Variants in HSBP1L1 observed in about 807,000 individuals in gnomAD.
HSBP1L1 encodes the protein heat shock factor binding protein 1 like 1.
HSBP1L1 carries 8 observed loss-of-function variants against 9.7 expected under a neutral mutation model. The observed-to-expected ratio is 0.82, with a 90% confidence interval of 0.48 to 1.48. The LOEUF is 1.48. Ranked by LOEUF, HSBP1L1 falls within the 40% of genes most tolerant of loss-of-function variation. The pLI is 0.00. For synonymous variants in HSBP1L1, 39 were observed against 34.4 expected, an observed-to-expected ratio of 1.13 and a Z score of -0.46; for missense variants, 106 against 95.8, an observed-to-expected ratio of 1.11 and a Z score of -0.44.
chr18:79,966,485 G>C (rs1009006401), intron 1 of HSBP1L1, 127 bp from the exon 2 acceptor site: 1 of 634,580 alleles, frequency 1.6e-6, no homozygotes, highest in Admixed American at 2.8e-5. Context: ...GGAGGTTGTA[G>C]TGAGCTGAGA....
intron 3 of HSBP1L1, among the ~76,000 whole-genome samples, chr18:79,969,333 A>G (rs866167277): frequency 0.15 from 2,347 of 16,172 alleles, 72 homozygotes; most frequent in Non-Finnish European, 0.19. Context: ...AAGAAAGAAA[A>G]AGAAAGAAAG....
chr18:79,966,529 C>G (rs2051257958), intron 1 of HSBP1L1, 83 bp from the exon 2 acceptor site: 1 of 997,704 alleles, frequency 1.0e-6, no homozygotes, highest in African/African-American at 1.7e-5. Flanking sequence ...GGCAACAAAA[C>G]AAGACTTCAT....
intron 3 of HSBP1L1, among the ~76,000 whole-genome samples, chr18:79,968,831 G>A (rs112078216): frequency 1.3e-5 from 2 of 151,920 alleles, no homozygotes; most frequent in African/African-American, 4.8e-5. Context: ...ATGTAAACAT[G>A]CCACAAAAGA....
rs2051267061 is a variant in HSBP1L1 at position 79,968,160 on chromosome 18, G to A, written c.190G>A (p.Glu64Lys). Reference protein sequence around the residue: ...VKDLMVQAGIENSIKEQMLKT With the variant: ...VKDLMVQAGIKNSIKEQMLKT ...GGACTTAATGGTGCAAGCTGGCATTGAAAATTCTATTAAAGAACAAATGGT... is the reference window on the plus strand; with the variant it reads ...GGACTTAATGGTGCAAGCTGGCATTAAAAATTCTATTAAAGAACAAATGGT... Residue 64 changes from glutamate (E) to lysine (K), a missense_variant, in exon 3 of 4, where the codon GAA becomes AAA. Glu to Lys is a moderately conservative substitution (Grantham distance 56). Transcript: ENST00000451882. 5.8e-6 allele frequency: 9 copies of A among 1,545,502 alleles called. No homozygotes were observed. The highest frequency in any genetic ancestry group is 7.9e-6 in the Non-Finnish European group (9 of 1,142,568).
chr18:79,965,696 T>C (rs2051253107), intron 1 of HSBP1L1, among the ~76,000 whole-genome samples: 2 of 152,206 alleles, frequency 1.3e-5, no homozygotes, highest in Admixed American at 6.5e-5. Flanking sequence ...GATTTTCTCC[T>C]GCATCCTCCT....
intron 3 of HSBP1L1, among the ~76,000 whole-genome samples, chr18:79,969,312 GGAAA>G (rs1305083344): frequency 2.5e-4 from 12 of 47,108 alleles, no homozygotes; most frequent in East Asian, 6.8e-4. Flanking sequence ...GAGAGAGAAA[GGAAA>G]GAAAGAAAGA....
intron 1 of HSBP1L1, among the ~76,000 whole-genome samples, chr18:79,966,332 C>T (rs2051257002): frequency 2.6e-5 from 4 of 152,004 alleles, no homozygotes; most frequent in African/African-American, 9.7e-5. Context: ...TCACCTGAGG[C>T]CATGAGTTCA....
chr18:79,964,699 C>A lies in HSBP1L1; in HGVS notation c.-37C>A. ...CCTCGCGCCGGGTCCGCGCGGCCCA[C>A]GGGACCCCCCACTGACGCCCCCGGC... On this transcript the variant is annotated 5_prime_UTR_variant, in exon 1 of 4. Coordinates refer to ENST00000451882, the MANE Select transcript of HSBP1L1 (RefSeq NM_001136180.2). 7.6e-7 allele frequency: 1 copy of A among 1,312,814 alleles called. No individual in the cohort carries two copies. Among genetic ancestry groups the A allele is most frequent in the Non-Finnish European group, 1.0e-6 (1 of 994,746 alleles). 81.3% of individuals were successfully genotyped at this position (1,312,814 alleles called of 1,614,324 possible). A position where few individuals can be genotyped will look rare whatever the true frequency, so the allele number is the denominator to read the frequency against.
chr18:79,968,219 T>A, intron 3 of HSBP1L1, 36 bp downstream of exon 3: 1 of 1,285,920 alleles, frequency 7.8e-7, no homozygotes, highest in Non-Finnish European at 1.1e-6. Context: ...ACCGTTTTCG[T>A]ATGTTTTGAC....
At chr18:79,966,579 T>C (rs2051258323) in intron 1 of HSBP1L1, 33 bp from the exon 2 acceptor site, 1 of 1,480,272 alleles carries the variant, frequency 6.8e-7, no homozygotes, top group African/African-American at 1.4e-5. Flanking sequence ...ACAGTAAATA[T>C]TTATTCAATT....
chr18:79,966,900 G>A, intron 2 of HSBP1L1: 2 of 430,634 alleles, frequency 4.6e-6, no homozygotes, highest in South Asian at 4.9e-5. Context: ...TGTAATCCCA[G>A]CACTTTGGGA....
intron 3 of HSBP1L1, among the ~76,000 whole-genome samples, chr18:79,969,727 C>T (rs529409765): frequency 6.9e-6 from 1 of 145,400 alleles, no homozygotes; most frequent in East Asian, 2.0e-4. Context: ...ATGTCAGTGG[C>T]CCCATACTCT....
At chr18:79,969,390 A>G (rs1166541671) in intron 3 of HSBP1L1, among the ~76,000 whole-genome samples, 1 of 61,680 alleles carries the variant, frequency 1.6e-5, no homozygotes, top group African/African-American at 4.5e-5. Flanking sequence ...AAAGAAAGAA[A>G]GAAAAAAAAA....
intron 3 of HSBP1L1, among the ~76,000 whole-genome samples, chr18:79,969,312 GGAAAGAAAGAAAGAAAGAAAAAGAAA>G (rs1568356533): frequency 1.0e-3 from 48 of 47,108 alleles, no homozygotes; most frequent in African/African-American, 3.4e-3. Flanking sequence ...GAGAGAGAAA[GGAAAGAAAGAAAGAAAGAAAAAGAAA>G]GAAAGAAAGA....
chr18:79,969,183 C>T (rs2051273122), intron 3 of HSBP1L1, among the ~76,000 whole-genome samples: 1 of 104,198 alleles, frequency 9.6e-6, no homozygotes, highest in Admixed American at 1.2e-4. Flanking sequence ...AGCGAGACAA[C>T]ATGAAAGAAA....
intron 2 of HSBP1L1, chr18:79,967,427 T>G (rs1411407828): frequency 6.6e-6 from 1 of 152,170 alleles, no homozygotes; most frequent in African/African-American, 2.4e-5. Flanking sequence ...AATGAGAATA[T>G]AATTTTTTTT....
rs1233844558 is a variant in HSBP1L1 at position 79,970,504 on chromosome 18, A to G, written c.*53A>G. 2.8e-6 allele frequency: 2 copies of G among 718,124 alleles called. No individual in the cohort carries two copies. Among genetic ancestry groups the G allele is most frequent in the African/African-American group, 3.5e-5 (2 of 57,258 alleles). 44.5% of individuals were successfully genotyped at this position (718,124 alleles called of 1,614,324 possible). On this transcript the variant is annotated 3_prime_UTR_variant, in exon 4 of 4. Coordinates refer to ENST00000451882, the MANE Select transcript of HSBP1L1 (RefSeq NM_001136180.2). ...GGCCTCTACAGAAGTCATTAAGGTT[A>G]CATCGGTCCTGAGGGTGGGGCCCTC...
At chr18:79,965,498 C>T (rs1326011645) in intron 1 of HSBP1L1, among the ~76,000 whole-genome samples, 1 of 152,174 alleles carries the variant, frequency 6.6e-6, no homozygotes, top group Non-Finnish European at 1.5e-5. Flanking sequence ...CTCAGCCTCA[C>T]TGTTCTCATC....
intron 3 of HSBP1L1, 183 bp from the exon 4 acceptor site, chr18:79,970,257 T>C: frequency 1.8e-6 from 1 of 545,592 alleles, no homozygotes; most frequent in South Asian, 2.6e-5. Flanking sequence ...AGCACTTAAG[T>C]CAGGGCAAGG....
Sources: allele counts gnomAD v4.1 joint callset (sites outside exome capture counted in the v4.1 genomes callset), GRCh38; gene constraint gnomAD v4.1.1; transcripts MANE v1.5; gene names NCBI Gene and HGNC (gene_info 2026-07-23, HGNC 2026-07-21).